SLC66A3: variants seen among roughly 807,000 people sequenced by gnomAD.
The protein encoded by SLC66A3 is PQ loop repeat containing 3.
A neutral mutation model predicts 25.5 loss-of-function variants in SLC66A3; 23 were observed. That is an observed-to-expected ratio of 0.90 (90% confidence interval 0.65 to 1.28). The LOEUF is 1.28. Among genes scored for constraint, SLC66A3 ranks in the 50% most tolerant of loss-of-function variants. The pLI is 0.00. For synonymous variants in SLC66A3, 108 were observed against 112.6 expected, an observed-to-expected ratio of 0.96 and a Z score of 0.26; for missense variants, 246 against 262.1, an observed-to-expected ratio of 0.94 and a Z score of 0.42.
At chr2:11,168,112 C>G (rs1206061031) in intron 4 of SLC66A3, among the ~76,000 whole-genome samples, 1 of 152,082 alleles carries the variant, frequency 6.6e-6, no homozygotes, top group East Asian at 1.9e-4. Flanking sequence ...AACCTCGTCT[C>G]TACTAAAAAT....
intron 5 of SLC66A3, among the ~76,000 whole-genome samples, chr2:11,174,728 T>G (rs1662676154): frequency 6.6e-6 from 1 of 152,226 alleles, no homozygotes; most frequent in Non-Finnish European, 1.5e-5. Flanking sequence ...CTCGAACTCC[T>G]GACCTCAGGT....
intron 4 of SLC66A3, among the ~76,000 whole-genome samples, chr2:11,168,926 C>T (rs923561650): frequency 1.3e-4 from 20 of 150,850 alleles, no homozygotes; most frequent in African/African-American, 4.6e-4. Context: ...GGTGTGATCT[C>T]GGCTCACTGC....
chr2:11,162,720 C>T (rs1662170993), intron 3 of SLC66A3, among the ~76,000 whole-genome samples: 1 of 152,198 alleles, frequency 6.6e-6, no homozygotes. Flanking sequence ...CATTCTCCTG[C>T]CTCAGCCTCC....
chr2:11,169,835 C>CTTTTTTT (rs1558257033), intron 4 of SLC66A3, among the ~76,000 whole-genome samples: 7 of 85,098 alleles, frequency 8.2e-5, no homozygotes, highest in African/African-American at 2.3e-4. Context: ...CTGGATTTCT[C>CTTTTTTT]TCTTTTTTTT....
intron 4 of SLC66A3, among the ~76,000 whole-genome samples, chr2:11,169,837 C>CCTTTTTTT (rs1662483913): frequency 1.1e-5 from 1 of 89,046 alleles, no homozygotes; most frequent in Non-Finnish European, 2.0e-5. Context: ...GGATTTCTCT[C>CCTTTTTTT]TTTTTTTTTT....
Position 11,165,263 on chromosome 2 carries a change from A to AC in SLC66A3, c.354+1002_354+1003insC, listed in dbSNP as rs1383702352. On this transcript the variant is annotated intron_variant, in intron 4 of 6. Coordinates refer to ENST00000295083, the MANE Select transcript of SLC66A3 (RefSeq NM_152391.5). Reference sequence around the variant, plus strand: ...GGCGTAGGGGCTCCTCACTTCTCAGAGGGGCGGCTGCCGGGCAGAGGGGCT... The same window carrying AC: ...GGCGTAGGGGCTCCTCACTTCTCAGACGGGGCGGCTGCCGGGCAGAGGGGCT... 9.1e-4 allele frequency among the ~76,000 whole-genome samples: 123 copies of AC among 135,614 alleles called. 1 individual carries two copies. The highest frequency in any genetic ancestry group is 2.9e-3 in the African/African-American group (95 of 32,902). The allele number at this position is 135,614 out of a possible 152,430, so 89.0% of individuals were successfully genotyped here.
At chr2:11,159,864 A>G (rs946720410) in intron 1 of SLC66A3, among the ~76,000 whole-genome samples, 1 of 152,206 alleles carries the variant, frequency 6.6e-6, no homozygotes, top group African/African-American at 2.4e-5. Flanking sequence ...GCATCCTCAC[A>G]GCCGGAGTCT....
At chr2:11,165,209 T>C (rs1662281590) in intron 4 of SLC66A3, among the ~76,000 whole-genome samples, 2 of 150,662 alleles carry the variant, frequency 1.3e-5, no homozygotes, top group South Asian at 4.2e-4. Context: ...GCGGAGACGC[T>C]CCTCACTTCC....
chr2:11,165,240 C>A (rs562888054), intron 4 of SLC66A3, among the ~76,000 whole-genome samples: 3 of 148,686 alleles, frequency 2.0e-5, no homozygotes, highest in Non-Finnish European at 4.5e-5. Flanking sequence ...GGCTGCCGGG[C>A]GTAGGGGCTC....
intron 1 of SLC66A3, among the ~76,000 whole-genome samples, chr2:11,158,044 A>G (rs565865161): frequency 6.6e-6 from 1 of 152,308 alleles, no homozygotes; most frequent in East Asian, 1.9e-4. Flanking sequence ...CCCTTGCTCC[A>G]GGTCACTTGT....
At chr2:11,158,518 T>C (rs113340239) in intron 1 of SLC66A3, among the ~76,000 whole-genome samples, 6,499 of 152,260 alleles carry the variant, frequency 0.043, 322 homozygotes, top group African/African-American at 0.12. Context: ...AAAAATTAGC[T>C]GGGCGTGGTG....
chr2:11,172,475 T>G (rs915213876), intron 5 of SLC66A3, among the ~76,000 whole-genome samples: 3 of 152,214 alleles, frequency 2.0e-5, no homozygotes, highest in African/African-American at 7.2e-5. Context: ...CATTGTTTGG[T>G]CTCAACTTTA....
intron 1 of SLC66A3, chr2:11,160,223 C>CT (rs773087186): frequency 1.2e-4 from 69 of 589,012 alleles, no homozygotes; most frequent in Admixed American, 4.1e-4. Flanking sequence ...TCAAGGCACT[C>CT]TATAGAGATC....
chr2:11,165,701 G>A (rs1012592911), intron 4 of SLC66A3, among the ~76,000 whole-genome samples: 3 of 152,206 alleles, frequency 2.0e-5, no homozygotes, highest in East Asian at 1.9e-4. Context: ...CCGAGATCAC[G>A]TCACTGCACT....
intron 3 of SLC66A3, among the ~76,000 whole-genome samples, chr2:11,162,886 G>T (rs35770320): frequency 6.6e-6 from 1 of 152,198 alleles, no homozygotes; most frequent in Non-Finnish European, 1.5e-5. Flanking sequence ...GATTACAGGC[G>T]TGAGCCACCG....
At chr2:11,171,897 G>T in intron 4 of SLC66A3, 28 bp from the exon 5 acceptor site, 1 of 1,612,602 alleles carries the variant, frequency 6.2e-7, no homozygotes, top group South Asian at 1.1e-5. Flanking sequence ...ATCGACTCGT[G>T]ACTTTCTCAC....
chr2:11,168,592 G>A (rs981084480), intron 4 of SLC66A3, among the ~76,000 whole-genome samples: 6 of 152,014 alleles, frequency 3.9e-5, no homozygotes, highest in African/African-American at 7.2e-5. Flanking sequence ...ATTCCGCACC[G>A]ACTCCTCGCC....
chr2:11,166,162 C>T (rs1192561479), intron 4 of SLC66A3, among the ~76,000 whole-genome samples: 1 of 152,196 alleles, frequency 6.6e-6, no homozygotes, highest in African/African-American at 2.4e-5. Context: ...GTGTGAGCCA[C>T]GGCAGCTGGC....
intron 5 of SLC66A3, among the ~76,000 whole-genome samples, chr2:11,172,389 G>T (rs1376280598): frequency 1.3e-5 from 2 of 152,170 alleles, no homozygotes; most frequent in Non-Finnish European, 2.9e-5. Flanking sequence ...AATATAACAG[G>T]TTTTAAAATA....
Sources: gnomAD v4.1 joint callset for allele counts (sites outside exome capture counted in the v4.1 genomes callset) on GRCh38, gnomAD v4.1.1 for gene constraint, MANE v1.5 for transcripts, NCBI Gene and HGNC (gene_info 2026-07-23, HGNC 2026-07-21) for gene names.